The following SCN8A variants were observed in gnomAD, a reference collection of about 807,000 sequenced individuals.
The protein encoded by SCN8A is sodium channel protein type 8 subunit alpha.
In SCN8A, 30 loss-of-function variants were observed where a neutral mutation model predicts 184.1. The observed-to-expected ratio is 0.16, with a 90% confidence interval of 0.12 to 0.22. The LOEUF (loss-of-function observed/expected upper bound fraction) is 0.22, where lower values mean the gene tolerates loss of function less well. Ranked by LOEUF, SCN8A falls within the 10% of genes least tolerant of loss-of-function variation. The probability of loss-of-function intolerance (pLI) is 1.00; values close to 1 mark genes in which losing one functional copy is unlikely to be tolerated. For synonymous variants in SCN8A, 852 were observed against 907.0 expected, an observed-to-expected ratio of 0.94 and a Z score of 1.09; for missense variants, 1,057 against 2,498.9, an observed-to-expected ratio of 0.42 and a Z score of 12.30.
At chr12:51,700,424 A>G (rs1941667870) in intron 7 of SCN8A, among the ~76,000 whole-genome samples, 1 of 152,206 alleles carries the variant, frequency 6.6e-6, no homozygotes, top group South Asian at 2.1e-4. Flanking sequence ...TTAGTCCAGA[A>G]TGTATCTATG....
chr12:51,779,891 T>A (rs947474988), intron 20 of SCN8A, among the ~76,000 whole-genome samples: 2 of 152,122 alleles, frequency 1.3e-5, no homozygotes, highest in African/African-American at 4.8e-5. Context: ...GGGGTCCTGG[T>A]TGTAGTTAAA....
Position 51,803,749 on chromosome 12 carries a change from TTTAA to T in SCN8A, c.4796-2530_4796-2527del, listed in dbSNP as rs369122365. 7.1e-3 allele frequency among the ~76,000 whole-genome samples: 1,074 copies of T among 152,296 alleles called. 8 individuals are homozygous for T. The highest frequency in any genetic ancestry group is 0.011 in the Non-Finnish European group (719 of 68,028). Reference sequence around the variant, plus strand: ...TGACTTCTTTGGTCACTGGTTATGATTTAATTGAGAAGCTGAGAAATCATCATGG... The same window carrying T: ...TGACTTCTTTGGTCACTGGTTATGATTTGAGAAGCTGAGAAATCATCATGG... On this transcript the variant is annotated intron_variant, in intron 26 of 26. Coordinates refer to ENST00000627620, the MANE Select transcript of SCN8A (RefSeq NM_001330260.2).
intron 1 of SCN8A, among the ~76,000 whole-genome samples, chr12:51,614,768 T>G (rs61476173): frequency 0.1 from 15,256 of 145,532 alleles, 914 homozygotes; most frequent in South Asian, 0.24. Flanking sequence ...TTCTGGTAGA[T>G]AGCATACTGT....
chr12:51,713,177 C>G, intron 11 of SCN8A: 1 of 1,193,376 alleles, frequency 8.4e-7, no homozygotes. Context: ...TCAAAGTAGT[C>G]TCTCAAATTA....
chr12:51,720,075 CAAAAA>C (rs397944526), intron 11 of SCN8A, among the ~76,000 whole-genome samples: 1 of 85,500 alleles, frequency 1.2e-5, no homozygotes, highest in African/African-American at 5.1e-5. Flanking sequence ...GACTCCGTCT[CAAAAA>C]AAAAAAAAAA....
At chr12:51,594,324 G>A (rs940254276) in intron 1 of SCN8A, among the ~76,000 whole-genome samples, 5 of 152,096 alleles carry the variant, frequency 3.3e-5, no homozygotes, top group African/African-American at 1.2e-4. Flanking sequence ...GAGCTATATC[G>A]GGGTAAATGC....
At position 51,711,905 on chromosome 12, in the gene SCN8A, C is replaced by T. The variant is rs147073373; in HGVS notation, c.1635+5190C>T. Among the ~76,000 whole-genome samples the T allele has an allele frequency of 2.0e-3, 302 of 152,120 alleles. 4 individuals carry two copies. The East Asian group carries it at 0.037, about 19-fold the overall frequency. On this transcript the variant is annotated intron_variant, in intron 11 of 26. Transcript: ENST00000627620. ...GTTTGGAAATGGGGAGAATAGATTC[C>T]CCTTAAACTGCAAGTCAGCAGGTGT...
intron 1 of SCN8A, among the ~76,000 whole-genome samples, chr12:51,628,382 G>T (rs940806261): frequency 2.6e-5 from 4 of 152,254 alleles, no homozygotes; most frequent in Non-Finnish European, 5.9e-5. Flanking sequence ...TTCTGCAGAA[G>T]AAATCTCTGA....
chr12:51,767,294 G>A (rs1942853363), intron 16 of SCN8A, among the ~76,000 whole-genome samples: 1 of 152,092 alleles, frequency 6.6e-6, no homozygotes, highest in South Asian at 2.1e-4. Flanking sequence ...CCCCATGGCT[G>A]TCTCCAGATA....
At chr12:51,592,176 T>G (rs1467849893) in intron 1 of SCN8A, among the ~76,000 whole-genome samples, 1 of 151,442 alleles carries the variant, frequency 6.6e-6, no homozygotes, top group Non-Finnish European at 1.5e-5. Flanking sequence ...CAGGACTGTT[T>G]GCCCAGCTCC....
chr12:51,651,165 C>T (rs116733670), intron 1 of SCN8A, among the ~76,000 whole-genome samples: 3,578 of 152,276 alleles, frequency 0.023, 120 homozygotes, highest in African/African-American at 0.079. Flanking sequence ...CCAGCTTGGG[C>T]TTTATGGCCA....
chr12:51,790,636 A>G (rs2138912046), intron 25 of SCN8A, 134 bp downstream of exon 25: 1 of 614,902 alleles, frequency 1.6e-6, no homozygotes, highest in Admixed American at 3.2e-5. Context: ...CACCCATCCA[A>G]AAGATCTGAA....
chr12:51,684,425 G>A (rs1028913779), intron 3 of SCN8A, 133 bp downstream of exon 3: 1 of 671,804 alleles, frequency 1.5e-6, no homozygotes, highest in South Asian at 1.6e-5. Flanking sequence ...TCAGTCAGAG[G>A]TTTAAGAGTG....
chr12:51,720,057 C>G (rs1592403894), intron 11 of SCN8A, among the ~76,000 whole-genome samples: 1 of 111,782 alleles, frequency 8.9e-6, no homozygotes. Context: ...GCCTGGGCGA[C>G]AGAGCGAGAC....
intron 11 of SCN8A, chr12:51,712,621 A>C (rs1592398144): frequency 3.9e-6 from 3 of 777,928 alleles, no homozygotes. Flanking sequence ...TATAGTTCCC[A>C]CCACCACCAT....
chr12:51,714,256 A>G (rs1408241724), intron 11 of SCN8A, among the ~76,000 whole-genome samples: 1 of 152,268 alleles, frequency 6.6e-6, no homozygotes, highest in African/African-American at 2.4e-5. Flanking sequence ...CGTGGAAACT[A>G]TAACAGTAAC....
At chr12:51,804,835 C>G (rs2138939544) in intron 26 of SCN8A, among the ~76,000 whole-genome samples, 1 of 152,310 alleles carries the variant, frequency 6.6e-6, no homozygotes, top group East Asian at 1.9e-4. Flanking sequence ...AGTTGAAAGT[C>G]ACTCCTGAGA....
At chr12:51,609,562 G>A (rs1016811819) in intron 1 of SCN8A, among the ~76,000 whole-genome samples, 29 of 152,104 alleles carry the variant, frequency 1.9e-4, no homozygotes, top group African/African-American at 6.3e-4. Flanking sequence ...TTTAACTGCT[G>A]TTGCTTTAAA....
intron 1 of SCN8A, among the ~76,000 whole-genome samples, chr12:51,601,596 T>A (rs1939464899): frequency 6.6e-6 from 1 of 152,136 alleles, no homozygotes. Flanking sequence ...GTGTTATGAG[T>A]GGATATCAAA....
Sources: allele counts gnomAD v4.1 joint callset (sites outside exome capture counted in the v4.1 genomes callset), GRCh38; gene constraint gnomAD v4.1.1; transcripts MANE v1.5; gene names NCBI Gene and HGNC (gene_info 2026-07-23, HGNC 2026-07-21).